Variants in PRR12 observed in about 807,000 individuals in gnomAD.
The protein encoded by PRR12 is proline rich 12.
PRR12 carries 12 observed loss-of-function variants against 138.0 expected under a neutral mutation model. The ratio of observed to expected loss-of-function variants is 0.09; its 90% CI spans 0.06 to 0.14. The LOEUF (loss-of-function observed/expected upper bound fraction) is 0.14, where lower values mean the gene tolerates loss of function less well. PRR12 is among the 10% of genes least tolerant of loss of function. The pLI is 1.00. For missense variants in PRR12, 2,692 were observed against 2,861.3 expected (o/e 0.94, Z 1.35); for synonymous variants, 1,567 against 1,291.7 (o/e 1.21, Z -4.57).
chr19:49,603,563 G>A (rs887771347), intron 6 of PRR12, among the ~76,000 whole-genome samples: 4 of 152,040 alleles, frequency 2.6e-5, no homozygotes, highest in Non-Finnish European at 2.9e-5. Context: ...GTGGTAGGGC[G>A]CACCTGTGAT....
At chr19:49,622,922 T>TAC (rs1430610334) in intron 11 of PRR12, among the ~76,000 whole-genome samples, 2 of 83,026 alleles carry the variant, frequency 2.4e-5, no homozygotes, top group Admixed American at 1.1e-4. Context: ...TATATATATA[T>TAC]ATATATAGAG....
In PRR12 at chr19:49,599,584, G is replaced by C. The variant is rs368205783; in HGVS notation, c.3991G>C (p.Ala1331Pro). The C allele has an allele frequency of 1.9e-6, 3 of 1,595,810 alleles. No individual in the cohort carries two copies. In the African/African-American group the frequency reaches 4.0e-5, roughly 21 times the overall value. Residue 1331 changes from alanine (A) to proline (P), a missense_variant, in exon 5 of 14, where the codon GCT becomes CCT. Ala to Pro is a conservative substitution (Grantham distance 27). Around this residue, in one of 11 missense-constraint regions of PRR12, gnomAD observed 326 missense variants for 344.2 expected, o/e 0.95. Coordinates refer to ENST00000418929, the MANE Select transcript of PRR12 (RefSeq NM_020719.3). The surrounding 1 kb of genome is among the most constrained non-coding windows in gnomAD (Gnocchi z 5.0). ...GLQPQPPATP[A>P]VPHPPPSGAF... ...GCAGCCCCAGCCCCCTGCCACCCCT[G>C]CTGTGCCACATCCCCCACCTTCCGG...
In PRR12 at chr19:49,597,268, C is replaced by T. The variant is rs2080778649; in HGVS notation, c.2933C>T (p.Ala978Val). ...PEDEGDPKAGAGPPPGPPAYD... is the reference protein window; with the variant it reads ...PEDEGDPKAGVGPPPGPPAYD... Reference sequence around the variant, plus strand: ...GACGAGGGGGACCCCAAGGCTGGCGCTGGGCCACCCCCCGGCCCCCCTGCT... The same window carrying T: ...GACGAGGGGGACCCCAAGGCTGGCGTTGGGCCACCCCCCGGCCCCCCTGCT... Residue 978 changes from alanine (A) to valine (V), a missense_variant, in exon 4 of 14, where the codon GCT (alanine) becomes GTT (valine). Physicochemically the swap from Ala to Val is moderately conservative, Grantham distance 64. Around this residue, in one of 11 missense-constraint regions of PRR12, gnomAD observed 840 missense variants for 689.8 expected, o/e 1.22. Coordinates refer to ENST00000418929, the MANE Select transcript of PRR12 (RefSeq NM_020719.3). The surrounding 1 kb of genome is among the most constrained non-coding windows in gnomAD (Gnocchi z 6.3). The T allele has an allele frequency of 6.4e-7, 1 of 1,570,138 alleles. No homozygotes were observed. Among genetic ancestry groups the T allele is most frequent in the African/African-American group, 1.3e-5 (1 of 74,148 alleles).
chr19:49,603,254 C>T (rs982015634), intron 6 of PRR12, among the ~76,000 whole-genome samples: 9 of 152,264 alleles, frequency 5.9e-5, no homozygotes, highest in African/African-American at 1.9e-4. Context: ...ACAGGGCATG[C>T]GGCTGAGCAG....
chr19:49,615,726 C>A, intron 8 of PRR12, 21 bp from the exon 9 acceptor site: 1 of 1,600,676 alleles, frequency 6.2e-7, no homozygotes, highest in Non-Finnish European at 8.5e-7. Flanking sequence ...TGACTACAGT[C>A]CCTTCTCTGT....
Position 49,598,016 on chromosome 19 carries a change from G to C in PRR12, c.3678+3G>C. 1 of 1,364,518 alleles carries C rather than the reference G, an allele frequency of 7.3e-7. No individual in the cohort carries two copies. Among genetic ancestry groups the C allele is most frequent in the South Asian group, 2.1e-5 (1 of 48,526 alleles). The allele number at this position is 1,364,518 out of a possible 1,614,324, so 84.5% of individuals were successfully genotyped here. On this transcript the variant is annotated splice_donor_region_variant and intron_variant, in intron 4 of 13. Coordinates refer to ENST00000418929, the MANE Select transcript of PRR12 (RefSeq NM_020719.3). The stretch of plus-strand genomic sequence containing the variant: ...TGGAGCCCCTGAAGCCACTTAAGGT[G>C]AGGGGAAATGGGGTCTTGTAGGGGA...
Position 49,594,924 on chromosome 19 carries a change from C to T in PRR12, c.589C>T (p.Pro197Ser), listed in dbSNP as rs911461867. 11 of 1,606,434 alleles carry T rather than the reference C, an allele frequency of 6.8e-6. No individual in the cohort carries two copies. Among genetic ancestry groups the T allele is most frequent in the Non-Finnish European group, 9.3e-6 (11 of 1,177,032 alleles). ...DVLHLKPSQA[P>S]TVPSSLGFER... Reference sequence around the variant, plus strand: ...GCTGCACCTGAAGCCCTCGCAGGCACCCACGGTGCCCTCTTCACTGGGCTT... The same window carrying T: ...GCTGCACCTGAAGCCCTCGCAGGCATCCACGGTGCCCTCTTCACTGGGCTT... The change falls in exon 4 of 14, where the codon CCC becomes TCC. Residue 197 changes from proline to serine, a missense_variant. Around this residue, in one of 11 missense-constraint regions of PRR12, gnomAD observed 523 missense variants for 496.4 expected, o/e 1.05. Transcript: ENST00000418929. This position sits in a 1 kb window ranked among gnomAD's most constrained non-coding sequence, Gnocchi z 5.6.
In PRR12 at chr19:49,597,188, G is replaced by A. The variant is rs367757840; in HGVS notation, c.2853G>A (p.Glu951=). The A allele has an allele frequency of 7.1e-6, 11 of 1,556,380 alleles. No homozygotes were observed. The highest frequency in any genetic ancestry group is 1.4e-5 in the African/African-American group (1 of 73,586). The change falls in exon 4 of 14, where the codon GAG becomes GAA. Residue 951 remains glutamate, a synonymous_variant. Transcript: ENST00000418929. The surrounding 1 kb of genome is among the most constrained non-coding windows in gnomAD (Gnocchi z 6.3). Reference sequence around the variant, plus strand: ...AGCGCAGCTTCTTCCCCACCATGGAGGAGATGTTCGGTGGAGGGGCCGCGG... The same window carrying A: ...AGCGCAGCTTCTTCCCCACCATGGAAGAGATGTTCGGTGGAGGGGCCGCGG... ...DEERSFFPTM[E]EMFGGGAADD... is the part of the protein sequence containing the mutation.
Position 49,624,888 on chromosome 19 carries a change from G to T in PRR12, c.5766G>T (p.Gly1922=). Residue 1922 remains glycine (G), a synonymous_variant, in exon 12 of 14, where the codon GGG becomes GGT. Transcript: ENST00000418929. ...TFPQLQVEQS[G]EGSPEEGAVR... ...CACAGCTGCAAGTGGAGCAGAGTGG[G>T]GAGGGCTCTCCGGAAGAGGGGGCTG... The T allele has an allele frequency of 6.2e-7, 1 of 1,611,194 alleles. No homozygotes were observed. Among genetic ancestry groups the T allele is most frequent in the Non-Finnish European group, 8.5e-7 (1 of 1,178,802 alleles).
Position 49,596,877 on chromosome 19 carries a change from C to T in PRR12, c.2542C>T (p.Leu848=), listed in dbSNP as rs1388541480. 5.1e-6 allele frequency: 8 copies of T among 1,565,452 alleles called. No homozygotes were observed. The highest frequency in any genetic ancestry group is 6.9e-6 in the Non-Finnish European group (8 of 1,163,412). ...ACCCCCGCCTCCACCACCCATGCCC[C>T]TGCAGCTCGAGGCCCACCTCCGCAG... ...PPPPPPPPMP[L]QLEAHLRSHG... Residue 848 remains leucine, a synonymous_variant, in exon 4 of 14, where the codon CTG becomes TTG. Transcript: ENST00000418929. The surrounding 1 kb of genome is among the most constrained non-coding windows in gnomAD (Gnocchi z 5.6).
chr19:49,604,071 G>A (rs1471810492), intron 6 of PRR12, among the ~76,000 whole-genome samples: 2 of 151,922 alleles, frequency 1.3e-5, no homozygotes, highest in African/African-American at 2.4e-5. Flanking sequence ...CACCCATCTC[G>A]GCCTCCCAAA....
rs1022796387 is a variant in PRR12 at position 49,599,986 on chromosome 19, G to A, written c.4345+48G>A. 2 of 1,496,700 alleles carry A rather than the reference G, an allele frequency of 1.3e-6. No homozygotes were observed. Among genetic ancestry groups the A allele is most frequent in the Non-Finnish European group, 1.8e-6 (2 of 1,113,844 alleles). 92.7% of individuals were successfully genotyped at this position (1,496,700 alleles called of 1,614,324 possible). ...GGGAGTAGAGCTTAAAGGTTATTAT[G>A]ATCACTAGGTAACAGTTGTGCAGGT... On this transcript the variant is annotated intron_variant, in intron 5 of 13. Coordinates refer to ENST00000418929, the MANE Select transcript of PRR12 (RefSeq NM_020719.3). This position sits in a 1 kb window ranked among gnomAD's most constrained non-coding sequence, Gnocchi z 5.0.
At position 49,599,625 on chromosome 19, in the gene PRR12, G is replaced by A. The variant is rs375573402; in HGVS notation, c.4032G>A (p.Gly1344=). The A allele has an allele frequency of 7.7e-5, 123 of 1,604,568 alleles. 1 individual carries two copies. The African/African-American group carries it at 1.4e-3, about 19-fold the overall frequency. ...CACCTTCCGGAGCCTTTGGGCTTGG[G>A]GGCGCCCTGGAGGCTGCAGAGAGTG... ...HPPPSGAFGL[G]GALEAAESEG... Residue 1344 remains glycine (G), a synonymous_variant, in exon 5 of 14, where the codon GGG becomes GGA. Coordinates refer to ENST00000418929, the MANE Select transcript of PRR12 (RefSeq NM_020719.3). The surrounding 1 kb of genome is among the most constrained non-coding windows in gnomAD (Gnocchi z 5.0).
chr19:49,624,480 T>C (rs1599806663), intron 11 of PRR12, among the ~76,000 whole-genome samples: 2 of 149,096 alleles, frequency 1.3e-5, no homozygotes, highest in African/African-American at 2.5e-5. Flanking sequence ...AGGATGGGGC[T>C]GGGAATTCTG....
intron 6 of PRR12, among the ~76,000 whole-genome samples, chr19:49,604,535 G>A (rs1350783846): frequency 6.6e-6 from 1 of 151,860 alleles, no homozygotes; most frequent in Non-Finnish European, 1.5e-5. Context: ...ACAATTAGCC[G>A]GGCATGGTGG....
rs761567407 is a variant in PRR12 at position 49,595,392 on chromosome 19, G to A, written c.1057G>A (p.Gly353Arg). Residue 353 changes from glycine to arginine, a missense_variant, in exon 4 of 14, where the codon GGA (glycine) becomes AGA (arginine). Transcript: ENST00000418929. ...AGEPSKAGPS[G>R]ATAGASGRAT... The stretch of plus-strand genomic sequence containing the variant: ...GGAGCCTAGCAAGGCTGGTCCCAGC[G>A]GAGCCACGGCTGGGGCATCTGGCCG... The A allele has an allele frequency of 3.1e-5, 48 of 1,542,168 alleles. No homozygotes were observed. Among genetic ancestry groups the A allele is most frequent in the East Asian group, 1.7e-4 (7 of 40,806 alleles).
chr19:49,613,980 T>C (rs2080879052), intron 6 of PRR12, among the ~76,000 whole-genome samples: 1 of 152,160 alleles, frequency 6.6e-6, no homozygotes, highest in African/African-American at 2.4e-5. Context: ...TGGTGGCGCA[T>C]GCCTGTAATT....
chr19:49,609,198 C>T (rs891989805), intron 6 of PRR12, among the ~76,000 whole-genome samples: 8 of 152,082 alleles, frequency 5.3e-5, no homozygotes, highest in African/African-American at 1.9e-4. Flanking sequence ...GCCTATATTC[C>T]CAGCTACCCT....
Position 49,614,966 on chromosome 19 carries a change from G to C in PRR12, c.4981G>C (p.Val1661Leu). 1 of 1,614,038 alleles carries C rather than the reference G, an allele frequency of 6.2e-7. No homozygotes were observed. The highest frequency in any genetic ancestry group is 8.5e-7 in the Non-Finnish European group (1 of 1,179,904). ...ENVNKKDYVR[V>L]CARKPWHRPP... ...TGTCAATAAGAAGGACTACGTGAGG[G>C]TCTGTGCTCGGAAACCCTGGCATCG... is the stretch of plus-strand genomic sequence containing the variant. Residue 1661 changes from valine to leucine, a missense_variant, in exon 8 of 14, where the codon GTC becomes CTC. Val to Leu is a conservative substitution (Grantham distance 32). Coordinates refer to ENST00000418929, the MANE Select transcript of PRR12 (RefSeq NM_020719.3). This position sits in a 1 kb window ranked among gnomAD's most constrained non-coding sequence, Gnocchi z 5.0.
Sources: gnomAD v4.1 joint callset for allele counts (sites outside exome capture counted in the v4.1 genomes callset) on GRCh38, gnomAD v4.1.1 for gene constraint, gnomAD v4.1.1 regional missense constraint, Gnocchi (gnomAD v3.1) non-coding constraint, MANE v1.5 for transcripts, NCBI Gene and HGNC (gene_info 2026-07-23, HGNC 2026-07-21) for gene names.